Variants in ABLIM2 observed in about 807,000 individuals in gnomAD.
ABLIM2 encodes the protein actin-binding LIM protein 2.
A neutral mutation model predicts 97.7 loss-of-function variants in ABLIM2; 53 were observed. The observed-to-expected ratio is 0.54, with a 90% confidence interval of 0.44 to 0.68. The LOEUF (loss-of-function observed/expected upper bound fraction) is 0.68. Ranked by LOEUF, ABLIM2 falls within the 30% of genes least tolerant of loss-of-function variation. ABLIM2 has a pLI of 0.00. For synonymous variants in ABLIM2, 361 were observed against 345.8 expected, an observed-to-expected ratio of 1.04 and a Z score of -0.49; for missense variants, 835 against 867.2, an observed-to-expected ratio of 0.96 and a Z score of 0.47.
In ABLIM2 at chr4:8,085,893, G is replaced by A. The variant is rs1279349917; in HGVS notation, c.454+2276C>T. Among the ~76,000 whole-genome samples, 2 of 152,014 alleles carry A rather than the reference G, an allele frequency of 1.3e-5. No homozygotes were observed. The highest frequency in any genetic ancestry group is 2.9e-5 in the Non-Finnish European group (2 of 68,018). The stretch of plus-strand genomic sequence containing the variant: ...CTAGTGGGGTGAGCTCACTTGCTTT[G>A]GAGTTGAAAGGCCTTGGCCCACCCC... On this transcript the variant is annotated intron_variant, in intron 4 of 20. Coordinates refer to ENST00000447017, the MANE Select transcript of ABLIM2 (RefSeq NM_001130083.2). The surrounding 1 kb of genome is among the most constrained non-coding windows in gnomAD (Gnocchi z 6.1).
intron 7 of ABLIM2, among the ~76,000 whole-genome samples, chr4:8,056,824 C>T (rs1162304683): frequency 2.5e-4 from 37 of 147,966 alleles, no homozygotes; most frequent in Non-Finnish European, 5.2e-4. Flanking sequence ...CCCAGCTGCT[C>T]GGGAGGCTGA....
chr4:8,061,063 A>C lies in ABLIM2; in HGVS notation c.676-9T>G, dbSNP rs780523456. ...TAGTGCTTCTCTCCGGCCTGTAAGA[A>C]AAGCACAAAGCAGAATGTTTCTACT... On this transcript the variant is annotated splice_polypyrimidine_tract_variant and intron_variant, in intron 6 of 20. Coordinates refer to ENST00000447017, the MANE Select transcript of ABLIM2 (RefSeq NM_001130083.2). This position sits in a 1 kb window ranked among gnomAD's most constrained non-coding sequence, Gnocchi z 4.5. 13 of 1,573,122 alleles carry C rather than the reference A, an allele frequency of 8.3e-6. No individual in the cohort carries two copies. The East Asian group carries it at 2.8e-4, about 34-fold the overall frequency.
Position 8,032,403 on chromosome 4 carries a change from C to A in ABLIM2, c.1048-2627G>T, listed in dbSNP as rs983097971. On this transcript the variant is annotated intron_variant, in intron 10 of 20. Coordinates refer to ENST00000447017, the MANE Select transcript of ABLIM2 (RefSeq NM_001130083.2). The surrounding 1 kb of genome is among the most constrained non-coding windows in gnomAD (Gnocchi z 4.3). ...CAGACCACGATCTGCTCAGGGTAGA[C>A]CCGCGTCCCAGGCGGCCACATCCGC... 7.2e-5 allele frequency among the ~76,000 whole-genome samples: 11 copies of A among 152,272 alleles called. 1 individual carries two copies. Among genetic ancestry groups the A allele is most frequent in the African/African-American group, 2.6e-4 (11 of 41,552 alleles).
intron 8 of ABLIM2, among the ~76,000 whole-genome samples, chr4:8,047,085 G>A (rs1343243216): frequency 1.3e-5 from 2 of 152,162 alleles, no homozygotes; most frequent in East Asian, 1.9e-4. Flanking sequence ...TACACTCAGC[G>A]CACACCAGCG....
At chr4:8,073,287 G>A (rs1813633119) in intron 6 of ABLIM2, among the ~76,000 whole-genome samples, 1 of 151,416 alleles carries the variant, frequency 6.6e-6, no homozygotes, top group Non-Finnish European at 1.5e-5. Flanking sequence ...CATAGAGAGT[G>A]AGCCACCCAG....
rs906129508 is a variant in ABLIM2, at chr4:8,046,858, T to G, written c.823-1617A>C. Reference sequence around the variant, plus strand: ...CACAGACACACACAGGGAGTCCATGTGGAGGCACAGGGAGAAGGCAGCATC... The same window carrying G: ...CACAGACACACACAGGGAGTCCATGGGGAGGCACAGGGAGAAGGCAGCATC... On this transcript the variant is annotated intron_variant, in intron 8 of 20. Coordinates refer to ENST00000447017, the MANE Select transcript of ABLIM2 (RefSeq NM_001130083.2). The surrounding 1 kb of genome is among the most constrained non-coding windows in gnomAD (Gnocchi z 4.4). Among the ~76,000 whole-genome samples the G allele has an allele frequency of 3.9e-5, 6 of 152,106 alleles. No individual in the cohort carries two copies. The highest frequency in any genetic ancestry group is 9.7e-5 in the African/African-American group (4 of 41,420).
rs554197152 is a variant in ABLIM2 at position 8,140,720 on chromosome 4, C to T, written c.10+17960G>A. Reference sequence around the variant, plus strand: ...GAGCTGGGGCCTCCTGAAGGTCCCACGGAGGCCAGCAGAGAGTAGCACCCA... The same window carrying T: ...GAGCTGGGGCCTCCTGAAGGTCCCATGGAGGCCAGCAGAGAGTAGCACCCA... On this transcript the variant is annotated intron_variant, in intron 1 of 20. Transcript: ENST00000447017. This position sits in a 1 kb window ranked among gnomAD's most constrained non-coding sequence, Gnocchi z 5.9. Among the ~76,000 whole-genome samples, 2 of 152,072 alleles carry T rather than the reference C, an allele frequency of 1.3e-5. No individual in the cohort carries two copies. The highest frequency in any genetic ancestry group is 1.9e-4 in the East Asian group (1 of 5,184).
intron 17 of ABLIM2, among the ~76,000 whole-genome samples, chr4:7,990,837 A>G (rs1560457469): frequency 6.6e-6 from 1 of 152,202 alleles, no homozygotes; most frequent in African/African-American, 2.4e-5. Context: ...CAGTACATAA[A>G]AGTCGTAGAA....
rs1232861009 is a variant in ABLIM2, at chr4:7,998,129, G to A, written c.1619-5202C>T. Reference sequence around the variant, plus strand: ...CTCCTGATCTCAGGTGATCTGATCCGTCCTCCTCGGCCTCCCAAAGTGCTG... The same window carrying A: ...CTCCTGATCTCAGGTGATCTGATCCATCCTCCTCGGCCTCCCAAAGTGCTG... On this transcript the variant is annotated intron_variant, in intron 16 of 20. Transcript: ENST00000447017. This position sits in a 1 kb window ranked among gnomAD's most constrained non-coding sequence, Gnocchi z 6.4. Among the ~76,000 whole-genome samples the A allele has an allele frequency of 1.3e-5, 2 of 151,802 alleles. No individual in the cohort carries two copies. Among genetic ancestry groups the A allele is most frequent in the African/African-American group, 2.4e-5 (1 of 41,320 alleles).
chr4:8,005,505 C>T lies in ABLIM2; in HGVS notation c.1618+2554G>A. 3.9e-6 allele frequency: 2 copies of T among 518,268 alleles called. No individual in the cohort carries two copies. The highest frequency in any genetic ancestry group is 3.9e-6 in the Non-Finnish European group (1 of 254,434). The allele number at this position is 518,268 out of a possible 1,614,324, so 32.1% of individuals were successfully genotyped here. Reference sequence around the variant, plus strand: ...GCTGTGTGCAAATGGAACTGGTGCCCACGGACTCAGGTCTGGGGGCTACTT... The same window carrying T: ...GCTGTGTGCAAATGGAACTGGTGCCTACGGACTCAGGTCTGGGGGCTACTT... On this transcript the variant is annotated intron_variant, in intron 16 of 20. Transcript: ENST00000447017. The surrounding 1 kb of genome is among the most constrained non-coding windows in gnomAD (Gnocchi z 4.9).
At chr4:8,062,418 C>T (rs936067317) in intron 6 of ABLIM2, among the ~76,000 whole-genome samples, 4 of 152,078 alleles carry the variant, frequency 2.6e-5, no homozygotes, top group South Asian at 2.1e-4. Flanking sequence ...ATTCAAATGC[C>T]CAGTGGTCTG....
chr4:8,003,716 C>T lies in ABLIM2; in HGVS notation c.1618+4343G>A, dbSNP rs1758962290. Among the ~76,000 whole-genome samples, 1 of 152,090 alleles carries T rather than the reference C, an allele frequency of 6.6e-6. No homozygotes were observed. Among genetic ancestry groups the T allele is most frequent in the Non-Finnish European group, 1.5e-5 (1 of 68,012 alleles). ...AAGTAGCTGAGATTACAGGTATCCT[C>T]CACCATGCCTGGCTGATTTTTTGTG... On this transcript the variant is annotated intron_variant, in intron 16 of 20. Transcript: ENST00000447017. The surrounding 1 kb of genome is among the most constrained non-coding windows in gnomAD (Gnocchi z 4.2).
At chr4:8,093,020 T>C (rs920273780) in intron 3 of ABLIM2, among the ~76,000 whole-genome samples, 2 of 152,048 alleles carry the variant, frequency 1.3e-5, no homozygotes, top group Admixed American at 1.3e-4. Flanking sequence ...GGCTCATTTT[T>C]GTATTTTTAG....
In ABLIM2 at chr4:8,071,495, C is replaced by T. The variant is rs1446381137; in HGVS notation, c.675+6133G>A. ...GGCAGGCGGGCACTGCGGGCGCCAG[C>T]ACTTAGGATGGCACCATGCCCACCA... On this transcript the variant is annotated intron_variant, in intron 6 of 20. Coordinates refer to ENST00000447017, the MANE Select transcript of ABLIM2 (RefSeq NM_001130083.2). The surrounding 1 kb of genome is among the most constrained non-coding windows in gnomAD (Gnocchi z 6.2). 6.6e-6 allele frequency among the ~76,000 whole-genome samples: 1 copy of T among 152,206 alleles called. No homozygotes were observed. Among genetic ancestry groups the T allele is most frequent in the African/African-American group, 2.4e-5 (1 of 41,450 alleles).
At position 8,058,089 on chromosome 4, in the gene ABLIM2, G is replaced by T. The variant is rs1297277431; in HGVS notation, c.763+2878C>A. On this transcript the variant is annotated intron_variant, in intron 7 of 20. Transcript: ENST00000447017. The surrounding 1 kb of genome is among the most constrained non-coding windows in gnomAD (Gnocchi z 4.2). ...CAGGCCAGTCCTGAAGGGCGCCTTT[G>T]TTCCTGAGATGAGGTTACCCTTGAT... 1.3e-5 allele frequency among the ~76,000 whole-genome samples: 2 copies of T among 152,248 alleles called. No individual in the cohort carries two copies. The highest frequency in any genetic ancestry group is 6.5e-5 in the Admixed American group (1 of 15,288).
chr4:8,080,378 C>A (rs1318135121), intron 5 of ABLIM2, among the ~76,000 whole-genome samples: 1 of 152,176 alleles, frequency 6.6e-6, no homozygotes, highest in Non-Finnish European at 1.5e-5. Context: ...GAAGGCACTT[C>A]AAAAACTCAG....
At chr4:8,049,589 G>C (rs569042087) in intron 8 of ABLIM2, among the ~76,000 whole-genome samples, 7 of 152,278 alleles carry the variant, frequency 4.6e-5, no homozygotes, top group African/African-American at 1.7e-4. Flanking sequence ...CAGACCTTAA[G>C]TCTGATGAGA....
rs1014351280 is a variant in ABLIM2, at chr4:8,148,718, C to T, written c.10+9962G>A. Among the ~76,000 whole-genome samples the T allele has an allele frequency of 6.6e-6, 1 of 152,186 alleles. No individual in the cohort carries two copies. The highest frequency in any genetic ancestry group is 2.4e-5 in the African/African-American group (1 of 41,434). The stretch of plus-strand genomic sequence containing the variant: ...ATCCCAAGGTGTCCATTGCCCCAAA[C>T]CACACAGGAACTCAGAGTCGGAAAG... On this transcript the variant is annotated intron_variant, in intron 1 of 20. Coordinates refer to ENST00000447017, the MANE Select transcript of ABLIM2 (RefSeq NM_001130083.2). This position sits in a 1 kb window ranked among gnomAD's most constrained non-coding sequence, Gnocchi z 6.7.
intron 1 of ABLIM2, among the ~76,000 whole-genome samples, chr4:8,141,627 C>T (rs1376327496): frequency 2.6e-5 from 4 of 152,224 alleles, no homozygotes; most frequent in Admixed American, 6.5e-5. Context: ...AATGATCCTC[C>T]TGCTTTGGTC....
Sources: gnomAD v4.1 joint callset for allele counts (sites outside exome capture counted in the v4.1 genomes callset) on GRCh38, gnomAD v4.1.1 for gene constraint, Gnocchi (gnomAD v3.1) non-coding constraint, MANE v1.5 for transcripts, NCBI Gene and HGNC (gene_info 2026-07-23, HGNC 2026-07-21) for gene names.